The following BMAL2 variants were observed in gnomAD, a reference collection of about 807,000 sequenced individuals.
BMAL2 encodes basic helix-loop-helix ARNT like 2.
At chr12:27,356,669 T>A in the BMAL2 span, among the ~76,000 whole-genome samples, 1 of 152,232 alleles carries the variant, frequency 6.6e-6, no homozygotes, top group South Asian at 2.1e-4. Context: ...GTGTGTTTTT[T>A]ATCTCCCTTG....
chr12:27,342,317 C>T, the BMAL2 span, among the ~76,000 whole-genome samples: 6 of 152,326 alleles, frequency 3.9e-5, no homozygotes, highest in South Asian at 1.2e-3. Flanking sequence ...CTCTATATAT[C>T]AAAATACATT....
chr12:27,350,994 C>CCCCCCCCCTT, the BMAL2 span, among the ~76,000 whole-genome samples: 2 of 94,288 alleles, frequency 2.1e-5, no homozygotes, highest in African/African-American at 4.3e-5. Context: ...CCCACCCCCC[C>CCCCCCCCCTT]TTTTTTTTTT....
chr12:27,399,115 A>G, the BMAL2 span, among the ~76,000 whole-genome samples: 2 of 143,574 alleles, frequency 1.4e-5, no homozygotes, highest in African/African-American at 4.9e-5. Flanking sequence ...GTGGCCTGGG[A>G]AGGGAGTGGT....
the BMAL2 span, chr12:27,403,663 T>C: frequency 2.0e-6 from 1 of 509,724 alleles, no homozygotes; most frequent in South Asian, 4.2e-5. Context: ...ATGGAAAATA[T>C]TATCTTTACA....
At chr12:27,347,385 T>C in the BMAL2 span, among the ~76,000 whole-genome samples, 1 of 152,218 alleles carries the variant, frequency 6.6e-6, no homozygotes, top group Non-Finnish European at 1.5e-5. Flanking sequence ...AAGCCTTTGA[T>C]TAATACCTGG....
the BMAL2 span, chr12:27,389,270 C>A: frequency 6.2e-7 from 1 of 1,607,994 alleles, no homozygotes; most frequent in Non-Finnish European, 8.5e-7. Context: ...GATATTTCAC[C>A]AAGAGAAAAG....
At chr12:27,423,264 A>G in the BMAL2 span, 7 of 151,024 alleles carry the variant, frequency 4.6e-5, no homozygotes, top group Non-Finnish European at 8.8e-5. Context: ...GAGAAAGAAT[A>G]TATCTACAAA....
At chr12:27,409,525 G>A in the BMAL2 span, among the ~76,000 whole-genome samples, 1 of 152,198 alleles carries the variant, frequency 6.6e-6, no homozygotes, top group African/African-American at 2.4e-5. Context: ...ATGGTGCTGG[G>A]AAAACTGGCT....
chr12:27,341,179 T>C, the BMAL2 span, among the ~76,000 whole-genome samples: 2 of 146,388 alleles, frequency 1.4e-5, no homozygotes, highest in Non-Finnish European at 3.1e-5. Flanking sequence ...ATCCTTGTCT[T>C]GTGCCAGTTT....
the BMAL2 span, among the ~76,000 whole-genome samples, chr12:27,333,720 A>T: frequency 6.6e-6 from 1 of 152,232 alleles, no homozygotes; most frequent in Non-Finnish European, 1.5e-5. Flanking sequence ...TCCATAAGCG[A>T]CAGGCGGCTC....
the BMAL2 span, among the ~76,000 whole-genome samples, chr12:27,383,403 G>T: frequency 6.6e-6 from 1 of 152,020 alleles, no homozygotes; most frequent in Non-Finnish European, 1.5e-5. Context: ...ATGTTGCCTC[G>T]TTGGTTTTTG....
chr12:27,352,443 A>G, the BMAL2 span, among the ~76,000 whole-genome samples: 352 of 152,314 alleles, frequency 2.3e-3, 1 homozygote, highest in African/African-American at 7.8e-3. Context: ...TCTATGGCAG[A>G]CCCTCAGCCA....
At chr12:27,414,892 G>A in the BMAL2 span, among the ~76,000 whole-genome samples, 1 of 152,046 alleles carries the variant, frequency 6.6e-6, no homozygotes, top group African/African-American at 2.4e-5. Context: ...AGAAAAAAAA[G>A]AGAGAAGTCT....
At chr12:27,377,722 C>T in the BMAL2 span, among the ~76,000 whole-genome samples, 29 of 152,170 alleles carry the variant, frequency 1.9e-4, no homozygotes, top group African/African-American at 4.8e-4. Context: ...ACCTGGGCAA[C>T]AGAGTGAGAC....
chr12:27,411,191 G>A, the BMAL2 span, among the ~76,000 whole-genome samples: 9 of 152,026 alleles, frequency 5.9e-5, no homozygotes, highest in African/African-American at 1.9e-4. Context: ...GCAGCGGTGC[G>A]ATCATGGCTC....
At chr12:27,368,378 C>T in the BMAL2 span, 8 of 1,613,912 alleles carry the variant, frequency 5.0e-6, no homozygotes, top group East Asian at 2.2e-5. Context: ...AGAGTTTCCA[C>T]GAAAACGCAA....
At chr12:27,377,037 C>T in the BMAL2 span, among the ~76,000 whole-genome samples, 1 of 149,796 alleles carries the variant, frequency 6.7e-6, no homozygotes, top group Non-Finnish European at 1.5e-5. Flanking sequence ...AACCCATCCT[C>T]ATGAGTTCTT....
chr12:27,401,533 G>A, the BMAL2 span: 1 of 1,596,858 alleles, frequency 6.3e-7, no homozygotes, highest in Non-Finnish European at 8.5e-7. Context: ...GTTCTACAGA[G>A]TAAGGAGAAA....
the BMAL2 span, among the ~76,000 whole-genome samples, chr12:27,374,887 T>G: frequency 6.6e-6 from 1 of 152,228 alleles, no homozygotes; most frequent in Admixed American, 6.5e-5. Flanking sequence ...GTGGAAATAT[T>G]TTTGATAAAG....
Sources: allele counts gnomAD v4.1 joint callset (sites outside exome capture counted in the v4.1 genomes callset), GRCh38; gene constraint gnomAD v4.1.1; transcripts MANE v1.5; gene names NCBI Gene and HGNC (gene_info 2026-07-23, HGNC 2026-07-21).